The following FAM184B variants were observed in gnomAD, a reference collection of about 807,000 sequenced individuals.
FAM184B encodes family with sequence similarity 184 member B.
In FAM184B, 111 loss-of-function variants were observed where a neutral mutation model predicts 135.9. The ratio of observed to expected loss-of-function variants is 0.82; its 90% CI spans 0.70 to 0.96. The LOEUF (loss-of-function observed/expected upper bound fraction) is 0.96, where lower values mean the gene tolerates loss of function less well. FAM184B is among the 40% of genes least tolerant of loss of function. FAM184B has a pLI of 0.00. For synonymous variants in FAM184B, 552 were observed against 524.8 expected, an observed-to-expected ratio of 1.05 and a Z score of -0.71; for missense variants, 1,375 against 1,323.9, an observed-to-expected ratio of 1.04 and a Z score of -0.60.
At chr4:17,753,709 C>T (rs778238916) in intron 1 of FAM184B, among the ~76,000 whole-genome samples, 11 of 152,154 alleles carry the variant, frequency 7.2e-5, no homozygotes, top group Non-Finnish European at 1.3e-4. Context: ...AAGAACAAAG[C>T]AGGTGAATGC....
At chr4:17,638,911 A>C (rs571369816) in intron 14 of FAM184B, among the ~76,000 whole-genome samples, 2 of 152,072 alleles carry the variant, frequency 1.3e-5, no homozygotes, top group East Asian at 3.9e-4. Context: ...ATCTCCGTTC[A>C]CTGAAAGCTC....
At chr4:17,714,730 A>C (rs971277594) in intron 1 of FAM184B, among the ~76,000 whole-genome samples, 1 of 152,104 alleles carries the variant, frequency 6.6e-6, no homozygotes, top group Non-Finnish European at 1.5e-5. Flanking sequence ...AATCTGGAGG[A>C]AATTTAGGGG....
chr4:17,691,287 A>G (rs1292510576), intron 6 of FAM184B, among the ~76,000 whole-genome samples: 1 of 152,238 alleles, frequency 6.6e-6, no homozygotes, highest in Admixed American at 6.5e-5. Flanking sequence ...AATAGCACCT[A>G]CATGGTAAAG....
intron 1 of FAM184B, among the ~76,000 whole-genome samples, chr4:17,749,397 C>T (rs1305159093): frequency 2.0e-5 from 3 of 151,336 alleles, no homozygotes; most frequent in Non-Finnish European, 4.4e-5. Context: ...GCCAGGGCAG[C>T]CTAGTGAGAT....
At chr4:17,699,291 G>A (rs1234723853) in intron 5 of FAM184B, among the ~76,000 whole-genome samples, 4 of 108,538 alleles carry the variant, frequency 3.7e-5, no homozygotes, top group South Asian at 6.0e-4. Context: ...GCAAGAGCAG[G>A]AAAAGAAATG....
chr4:17,759,897 G>T (rs926739818), intron 1 of FAM184B, among the ~76,000 whole-genome samples: 1 of 152,106 alleles, frequency 6.6e-6, no homozygotes. Flanking sequence ...ATATCTACAG[G>T]CCAAGGTGGG....
At position 17,657,655 on chromosome 4, in the gene FAM184B, C is replaced by CTTTTTTTT. The variant is rs58666074; in HGVS notation, c.2037+687_2037+694dup. Among the ~76,000 whole-genome samples, 41 of 114,390 alleles carry CTTTTTTTT rather than the reference C, an allele frequency of 3.6e-4. 1 individual carries two copies. Among genetic ancestry groups the CTTTTTTTT allele is most frequent in the Non-Finnish European group, 5.9e-4 (35 of 59,642 alleles). 75.0% of individuals were successfully genotyped at this position (114,390 alleles called of 152,430 possible). A position where few individuals can be genotyped will look rare whatever the true frequency, so the allele number is the denominator to read the frequency against. ...GAAAGGTCTTTGTGGCTGAGCTGTT[C>CTTTTTTTT]TTTTTTTTTTTTTTTTTTTGAGACA... On this transcript the variant is annotated intron_variant, in intron 10 of 17. Coordinates refer to ENST00000265018, the MANE Select transcript of FAM184B (RefSeq NM_015688.2).
At chr4:17,665,391 A>G (rs1716023574) in intron 7 of FAM184B, among the ~76,000 whole-genome samples, 1 of 152,144 alleles carries the variant, frequency 6.6e-6, no homozygotes, top group Non-Finnish European at 1.5e-5. Flanking sequence ...AGACCTTGTT[A>G]TTTTGATTTT....
chr4:17,693,549 A>G (rs1304994274), intron 5 of FAM184B, 137 bp from the exon 6 acceptor site: 2 of 672,142 alleles, frequency 3.0e-6, no homozygotes, highest in East Asian at 5.5e-5. Context: ...TAAATTAGAC[A>G]TACACGAGAA....
In FAM184B at chr4:17,632,405, G is replaced by A. The variant is rs1560161680; in HGVS notation, c.*127C>T. On this transcript the variant is annotated 3_prime_UTR_variant, in exon 18 of 18. Coordinates refer to ENST00000265018, the MANE Select transcript of FAM184B (RefSeq NM_015688.2). ...GTATGAAGTGTTAACGCCAAAATTT[G>A]TTTTAGCTATCATATATAAATCATA... The A allele has an allele frequency of 3.9e-6, 3 of 766,658 alleles. No individual in the cohort carries two copies. The highest frequency in any genetic ancestry group is 4.1e-6 in the Non-Finnish European group (2 of 488,422). 47.5% of individuals were successfully genotyped at this position (766,658 alleles called of 1,614,324 possible). A position where few individuals can be genotyped will look rare whatever the true frequency, so the allele number is the denominator to read the frequency against.
intron 1 of FAM184B, among the ~76,000 whole-genome samples, chr4:17,744,691 G>T (rs1210590265): frequency 6.6e-6 from 1 of 150,888 alleles, no homozygotes. Flanking sequence ...TTGCACTCCA[G>T]CCTGGGGGAC....
intron 8 of FAM184B, among the ~76,000 whole-genome samples, chr4:17,660,839 G>A (rs1175204081): frequency 6.6e-6 from 1 of 152,042 alleles, no homozygotes; most frequent in Non-Finnish European, 1.5e-5. Flanking sequence ...CAGGTGATGA[G>A]CAGCATCTTC....
At position 17,705,205 on chromosome 4, in the gene FAM184B, G is replaced by T. The variant is rs571943080; in HGVS notation, c.1172C>A (p.Thr391Asn). Residue 391 changes from threonine (T) to asparagine (N), a missense_variant and splice_region_variant, in exon 5 of 18, where the codon ACC (threonine) becomes AAC (asparagine). Thr to Asn is a moderately conservative substitution (Grantham distance 65). Transcript: ENST00000265018. Reference sequence around the variant, plus strand: ...TGTCTCAGCACTTGCCTCTTTCTTGGTCTATAAAAAGAAAAAGGACCTTGT... The same window carrying T: ...TGTCTCAGCACTTGCCTCTTTCTTGTTCTATAAAAAGAAAAAGGACCTTGT... ...PCMKGGTDMQ[T>N]KKEASAETEY... The T allele has an allele frequency of 6.4e-7, 1 of 1,550,582 alleles. No homozygotes were observed. Among genetic ancestry groups the T allele is most frequent in the East Asian group, 2.4e-5 (1 of 40,918 alleles).
At chr4:17,683,736 G>C (rs949268464) in intron 7 of FAM184B, among the ~76,000 whole-genome samples, 7 of 152,048 alleles carry the variant, frequency 4.6e-5, no homozygotes, top group African/African-American at 1.7e-4. Context: ...TAAAAGGGAA[G>C]TATACTGATA....
At position 17,732,267 on chromosome 4, in the gene FAM184B, T is replaced by C. The variant is rs537761489; in HGVS notation, c.142-22623A>G. ...CAAAATCGACACCCTAACGTCACAATTAAAAGAACAAGAAAAGCAAGAGCA... is the reference window on the plus strand; with the variant it reads ...CAAAATCGACACCCTAACGTCACAACTAAAAGAACAAGAAAAGCAAGAGCA... On this transcript the variant is annotated intron_variant, in intron 1 of 17. Coordinates refer to ENST00000265018, the MANE Select transcript of FAM184B (RefSeq NM_015688.2). 3.9e-5 allele frequency among the ~76,000 whole-genome samples: 6 copies of C among 151,926 alleles called. No individual in the cohort carries two copies. In the East Asian group the frequency reaches 1.2e-3, roughly 29 times the overall value.
At chr4:17,708,709 A>ATATATG (rs3066655) in intron 2 of FAM184B, among the ~76,000 whole-genome samples, 183 bp downstream of exon 2, 11 of 38,856 alleles carry the variant, frequency 2.8e-4, no homozygotes, top group East Asian at 1.1e-3. Context: ...ATATATATAT[A>ATATATG]GTGTCTGTGT....
At position 17,714,390 on chromosome 4, in the gene FAM184B, A is replaced by T. The variant is rs111378801; in HGVS notation, c.142-4746T>A. Reference sequence around the variant, plus strand: ...CCACAGTTTCTTTTTTCATCTGCAAACTTAATGCAGAGGAGTCAGAGGCCT... The same window carrying T: ...CCACAGTTTCTTTTTTCATCTGCAATCTTAATGCAGAGGAGTCAGAGGCCT... On this transcript the variant is annotated intron_variant, in intron 1 of 17. Coordinates refer to ENST00000265018, the MANE Select transcript of FAM184B (RefSeq NM_015688.2). Among the ~76,000 whole-genome samples the T allele has an allele frequency of 2.0e-3, 297 of 152,230 alleles. 2 individuals are homozygous for T. The highest frequency in any genetic ancestry group is 6.5e-3 in the African/African-American group (271 of 41,546).
chr4:17,689,674 G>A (rs1474579441), intron 6 of FAM184B, among the ~76,000 whole-genome samples: 1 of 151,938 alleles, frequency 6.6e-6, no homozygotes, highest in Non-Finnish European at 1.5e-5. Context: ...ATTGAGATGG[G>A]ATCTTGCTAT....
chr4:17,693,446 G>T, intron 5 of FAM184B, 34 bp from the exon 6 acceptor site: 1 of 1,514,972 alleles, frequency 6.6e-7, no homozygotes, highest in Non-Finnish European at 9.0e-7. Context: ...ACCATACAAG[G>T]CACGAAAACA....
Sources: allele counts gnomAD v4.1 joint callset (sites outside exome capture counted in the v4.1 genomes callset), GRCh38; gene constraint gnomAD v4.1.1; transcripts MANE v1.5; gene names NCBI Gene and HGNC (gene_info 2026-07-23, HGNC 2026-07-21).